DCC: variants seen among roughly 807,000 people sequenced by gnomAD.
DCC encodes the protein DCC netrin 1 receptor.
DCC carries 58 observed loss-of-function variants against 172.5 expected under a neutral mutation model. The observed-to-expected ratio is 0.34, with a 90% CI of 0.27 to 0.42. The LOEUF (loss-of-function observed/expected upper bound fraction) is 0.42, where lower values mean the gene tolerates loss of function less well. Among genes scored for constraint, DCC ranks in the 10% least tolerant of loss-of-function variants. The pLI is 1.00. For missense variants in DCC, 1,740 were observed against 1,791.0 expected (o/e 0.97, Z 0.51); for synonymous variants, 709 against 644.5 (o/e 1.10, Z -1.52).
chr18:52,421,585 C>A (rs527306965), intron 1 of DCC, among the ~76,000 whole-genome samples: 19 of 152,214 alleles, frequency 1.2e-4, no homozygotes, highest in Non-Finnish European at 1.8e-4. Flanking sequence ...AACGCCACAT[C>A]TGCTGCACTT....
intron 3 of DCC, among the ~76,000 whole-genome samples, chr18:52,909,686 A>C (rs2039941010): frequency 6.6e-6 from 1 of 152,180 alleles, no homozygotes; most frequent in African/African-American, 2.4e-5. Flanking sequence ...TTCAGCGACC[A>C]GTTTCACTTT....
chr18:52,747,886 G>C (rs2036931303), intron 1 of DCC, among the ~76,000 whole-genome samples: 1 of 152,192 alleles, frequency 6.6e-6, no homozygotes, highest in Non-Finnish European at 1.5e-5. Flanking sequence ...GTTAAAGGTA[G>C]CCTTGCCTAA....
At chr18:53,084,642 G>A (rs542632053) in intron 7 of DCC, among the ~76,000 whole-genome samples, 14 of 152,194 alleles carry the variant, frequency 9.2e-5, no homozygotes, top group African/African-American at 2.9e-4. Context: ...CAAGCACTGT[G>A]GGTGGACAGC....
At chr18:53,509,125 T>G (rs761651520) in intron 27 of DCC, among the ~76,000 whole-genome samples, 4 of 152,326 alleles carry the variant, frequency 2.6e-5, no homozygotes, top group Middle Eastern at 6.8e-3. Context: ...AGTTTAGCTA[T>G]TCCCTGCACC....
intron 1 of DCC, among the ~76,000 whole-genome samples, chr18:52,650,553 TTTTG>T (rs765527388): frequency 9.4e-4 from 143 of 152,210 alleles, no homozygotes; most frequent in African/African-American, 1.3e-3. Flanking sequence ...TTTGTTTTGG[TTTTG>T]TTTGTTTGTT....
chr18:53,212,915 A>T (rs994185555), intron 11 of DCC, among the ~76,000 whole-genome samples: 8 of 151,970 alleles, frequency 5.3e-5, no homozygotes, highest in Non-Finnish European at 5.9e-5. Context: ...CAAGTGAGCC[A>T]CCTCCCTCGG....
intron 13 of DCC, among the ~76,000 whole-genome samples, chr18:53,308,515 C>G (rs2057229093): frequency 6.6e-6 from 1 of 152,146 alleles, no homozygotes; most frequent in Non-Finnish European, 1.5e-5. Context: ...CTAATGCTAA[C>G]TCAATATCAT....
At chr18:52,532,963 A>T (rs953889204) in intron 1 of DCC, among the ~76,000 whole-genome samples, 2 of 151,698 alleles carry the variant, frequency 1.3e-5, no homozygotes, top group Admixed American at 1.3e-4. Context: ...ACCTCTCACC[A>T]CCCCAGTCCC....
chr18:52,636,905 T>A (rs2034791137), intron 1 of DCC, among the ~76,000 whole-genome samples: 1 of 151,988 alleles, frequency 6.6e-6, no homozygotes, highest in African/African-American at 2.4e-5. Flanking sequence ...AGCTAAGAAC[T>A]CTCACTGAGT....
intron 1 of DCC, among the ~76,000 whole-genome samples, chr18:52,524,183 A>G (rs2031906702): frequency 6.6e-6 from 1 of 152,224 alleles, no homozygotes; most frequent in Non-Finnish European, 1.5e-5. Flanking sequence ...CTTTATGCAT[A>G]TTCTTTAAAG....
chr18:53,416,323 C>A, intron 21 of DCC, 167 bp downstream of exon 21: 1 of 707,994 alleles, frequency 1.4e-6, no homozygotes, highest in Non-Finnish European at 2.6e-6. Flanking sequence ...GCTGAGGCTG[C>A]GGCTCTGATA....
intron 1 of DCC, among the ~76,000 whole-genome samples, chr18:52,436,060 TC>T (rs1277972392): frequency 6.6e-6 from 1 of 152,214 alleles, no homozygotes; most frequent in Non-Finnish European, 1.5e-5. Flanking sequence ...CACGGATCCC[TC>T]TGCCCCTCAG....
intron 1 of DCC, among the ~76,000 whole-genome samples, chr18:52,734,042 T>G (rs2036687765): frequency 1.3e-5 from 2 of 152,140 alleles, no homozygotes; most frequent in South Asian, 4.1e-4. Context: ...AAAGTGTAAT[T>G]ATGAACATCT....
intron 1 of DCC, among the ~76,000 whole-genome samples, chr18:52,597,639 C>T (rs1242916774): frequency 2.0e-5 from 3 of 152,112 alleles, no homozygotes; most frequent in Admixed American, 1.3e-4. Context: ...AGTGAAATAC[C>T]AACATCTTTA....
At chr18:53,238,797 A>G (rs1238219230) in intron 12 of DCC, among the ~76,000 whole-genome samples, 2 of 152,132 alleles carry the variant, frequency 1.3e-5, no homozygotes, top group Non-Finnish European at 1.5e-5. Flanking sequence ...ACCTCATTGT[A>G]TGGGTAAATT....
At chr18:52,705,501 T>A (rs1352149981) in intron 1 of DCC, among the ~76,000 whole-genome samples, 1 of 152,182 alleles carries the variant, frequency 6.6e-6, no homozygotes, top group African/African-American at 2.4e-5. Context: ...TTGATACACA[T>A]GCTGGTAGTC....
At chr18:53,151,789 C>T (rs1044888441) in intron 7 of DCC, among the ~76,000 whole-genome samples, 1 of 152,008 alleles carries the variant, frequency 6.6e-6, no homozygotes, top group South Asian at 2.1e-4. Flanking sequence ...CCACAAAAGT[C>T]ATGATTCTTT....
chr18:52,841,751 A>G (rs1241453532), intron 2 of DCC, among the ~76,000 whole-genome samples: 1 of 152,156 alleles, frequency 6.6e-6, no homozygotes, highest in Non-Finnish European at 1.5e-5. Flanking sequence ...AAAAGCTTAC[A>G]GCTGCCTCTG....
chr18:52,846,985 T>G (rs1320907077), intron 2 of DCC, among the ~76,000 whole-genome samples: 1 of 152,132 alleles, frequency 6.6e-6, no homozygotes, highest in Non-Finnish European at 1.5e-5. Context: ...GACTTCAATA[T>G]GTAAGTGTTA....
Sources: allele counts gnomAD v4.1 joint callset (sites outside exome capture counted in the v4.1 genomes callset), GRCh38; gene constraint gnomAD v4.1.1; transcripts MANE v1.5; gene names NCBI Gene and HGNC (gene_info 2026-07-23, HGNC 2026-07-21).